CPQ: variants seen among roughly 807,000 people sequenced by gnomAD.
CPQ encodes carboxypeptidase Q, also known as Ser-Met dipeptidase.
In CPQ, 37 loss-of-function variants were observed where a neutral mutation model predicts 45.7. The ratio of observed to expected loss-of-function variants is 0.81; its 90% confidence interval spans 0.62 to 1.07. CPQ has a LOEUF of 1.07. Ranked by LOEUF, CPQ falls within the 50% of genes least tolerant of loss-of-function variation. The pLI is 0.00. For missense variants in CPQ, 537 were observed against 572.9 expected, an observed-to-expected ratio of 0.94 and a Z score of 0.64; for synonymous variants, 186 against 205.8, an observed-to-expected ratio of 0.90 and a Z score of 0.82.
chr8:96,881,308 A>T (rs1411690001), intron 4 of CPQ, among the ~76,000 whole-genome samples: 2 of 152,174 alleles, frequency 1.3e-5, no homozygotes, highest in Non-Finnish European at 2.9e-5. Flanking sequence ...GCATTCAATC[A>T]TGGCAGAAGG....
At chr8:96,904,825 C>A (rs557102819) in intron 4 of CPQ, among the ~76,000 whole-genome samples, 1 of 152,230 alleles carries the variant, frequency 6.6e-6, no homozygotes, top group South Asian at 2.1e-4. Context: ...TCTACAGACT[C>A]CATGGGCACA....
intron 4 of CPQ, among the ~76,000 whole-genome samples, chr8:96,958,765 T>A (rs1345534322): frequency 6.6e-6 from 1 of 152,028 alleles, no homozygotes; most frequent in Non-Finnish European, 1.5e-5. Context: ...CTAATCTGAG[T>A]GTCCTTTACA....
chr8:97,000,684 C>T (rs936829078), intron 5 of CPQ, among the ~76,000 whole-genome samples: 5 of 152,030 alleles, frequency 3.3e-5, no homozygotes, highest in Non-Finnish European at 7.4e-5. Flanking sequence ...ATGCCTCCAG[C>T]TTTGTTCTTT....
intron 6 of CPQ, among the ~76,000 whole-genome samples, chr8:97,045,586 T>C (rs947568004): frequency 6.6e-6 from 1 of 152,228 alleles, no homozygotes; most frequent in African/African-American, 2.4e-5. Flanking sequence ...GCGTCGCTCA[T>C]GCTGGGAGCT....
chr8:97,121,663 A>T (rs1046929854), intron 7 of CPQ, among the ~76,000 whole-genome samples: 5 of 152,156 alleles, frequency 3.3e-5, no homozygotes, highest in Non-Finnish European at 7.3e-5. Flanking sequence ...AATATGACCC[A>T]CAACTAGAAC....
chr8:96,894,950 T>C (rs907714279), intron 4 of CPQ, among the ~76,000 whole-genome samples: 12 of 152,214 alleles, frequency 7.9e-5, no homozygotes, highest in Non-Finnish European at 1.6e-4. Flanking sequence ...CTTGGCATCA[T>C]GCTAACCAAC....
chr8:96,862,163 C>T, intron 3 of CPQ, among the ~76,000 whole-genome samples: 1 of 152,020 alleles, frequency 6.6e-6, no homozygotes, highest in African/African-American at 2.4e-5. Context: ...GACCACACAA[C>T]TATGCCTTTA....
intron 7 of CPQ, among the ~76,000 whole-genome samples, chr8:97,096,598 T>G (rs1455141361): frequency 1.3e-5 from 2 of 152,206 alleles, no homozygotes; most frequent in Non-Finnish European, 2.9e-5. Context: ...ATTTGATATG[T>G]GCCTGAACAG....
intron 4 of CPQ, among the ~76,000 whole-genome samples, chr8:96,896,615 T>C (rs1812446460): frequency 6.6e-6 from 1 of 152,222 alleles, no homozygotes; most frequent in South Asian, 2.1e-4. Context: ...TTCAAGAGCC[T>C]ACTGAAATGG....
intron 5 of CPQ, among the ~76,000 whole-genome samples, chr8:97,023,030 A>G: frequency 7.1e-6 from 1 of 140,620 alleles, no homozygotes; most frequent in East Asian, 2.0e-4. Flanking sequence ...ATATATATAC[A>G]GTATATATAC....
At chr8:97,093,773 A>G (rs999899334) in intron 7 of CPQ, among the ~76,000 whole-genome samples, 1 of 152,176 alleles carries the variant, frequency 6.6e-6, no homozygotes, top group African/African-American at 2.4e-5. Context: ...TTAAACCACC[A>G]ATCAGAATTT....
intron 1 of CPQ, among the ~76,000 whole-genome samples, chr8:96,762,253 T>C (rs1023994613): frequency 6.6e-6 from 1 of 152,208 alleles, no homozygotes; most frequent in Non-Finnish European, 1.5e-5. Context: ...GCACTGTGTA[T>C]GAGGTGTCCC....
chr8:96,813,245 T>C lies in CPQ; in HGVS notation c.434-21728T>C, dbSNP rs116434378. ...AATCAAGAGATATTCTAGGCACTTC[T>C]GGTGGGAAGTAGAGAATAAGCCAAG... On this transcript the variant is annotated intron_variant, in intron 2 of 7. Coordinates refer to ENST00000220763, the MANE Select transcript of CPQ (RefSeq NM_016134.4). 9.4e-3 allele frequency among the ~76,000 whole-genome samples: 1,435 copies of C among 152,196 alleles called. 20 individuals carry two copies. Among genetic ancestry groups the C allele is most frequent in the African/African-American group, 0.032 (1,312 of 41,536 alleles).
At chr8:96,852,312 A>G (rs1253277850) in intron 3 of CPQ, among the ~76,000 whole-genome samples, 1 of 152,146 alleles carries the variant, frequency 6.6e-6, no homozygotes, top group East Asian at 1.9e-4. Flanking sequence ...ACAAAACAAA[A>G]CACCATAGAC....
Position 97,088,606 on chromosome 8 carries a change from G to T in CPQ, c.1255+22396G>T, listed in dbSNP as rs190943948. ...TTCAACAGTGAAAATGAGAATAATT[G>T]ATATTTAAATGCTACAGTAGCTGAG... On this transcript the variant is annotated intron_variant, in intron 7 of 7. Transcript: ENST00000220763. Among the ~76,000 whole-genome samples the T allele has an allele frequency of 2.2e-3, 330 of 149,828 alleles. 2 individuals carry two copies. The highest frequency in any genetic ancestry group is 7.5e-3 in the African/African-American group (309 of 41,414).
intron 2 of CPQ, among the ~76,000 whole-genome samples, chr8:96,820,493 G>T (rs118037657): frequency 2.6e-5 from 4 of 151,766 alleles, no homozygotes; most frequent in African/African-American, 7.3e-5. Flanking sequence ...CCTGGCCTCT[G>T]ATAACTACCA....
intron 5 of CPQ, among the ~76,000 whole-genome samples, chr8:96,982,214 A>G (rs940700800): frequency 6.6e-6 from 1 of 152,244 alleles, no homozygotes; most frequent in African/African-American, 2.4e-5. Flanking sequence ...ACAGCGTTTT[A>G]TAACAGAAGC....
intron 2 of CPQ, among the ~76,000 whole-genome samples, chr8:96,788,781 T>G (rs1391958846): frequency 6.6e-6 from 1 of 152,124 alleles, no homozygotes. Context: ...GATTTAATGA[T>G]GTCCCATATT....
rs370074461 is a variant in CPQ, at chr8:96,777,253, A to G, written c.-34-7611A>G. On this transcript the variant is annotated intron_variant, in intron 1 of 7. Coordinates refer to ENST00000220763, the MANE Select transcript of CPQ (RefSeq NM_016134.4). ...AAGTAGGTAGATGATGAGTAGGGGA[A>G]AATGGTGGAAGGTACAGCAGCAATA... Among the ~76,000 whole-genome samples, 13 of 152,172 alleles carry G rather than the reference A, an allele frequency of 8.5e-5. No homozygotes were observed. The East Asian group carries it at 1.7e-3, about 20-fold the overall frequency.
Sources: allele counts gnomAD v4.1 joint callset (sites outside exome capture counted in the v4.1 genomes callset), GRCh38; gene constraint gnomAD v4.1.1; transcripts MANE v1.5; gene names NCBI Gene and HGNC (gene_info 2026-07-23, HGNC 2026-07-21).